The following NIM1K variants were observed in gnomAD, a reference collection of about 807,000 sequenced individuals.
NIM1K encodes serine/threonine-protein kinase NIM1.
In NIM1K, 35 loss-of-function variants were observed where a neutral mutation model predicts 37.1. The observed-to-expected ratio is 0.94, with a 90% CI of 0.72 to 1.25. The LOEUF is 1.25. NIM1K is among the 50% of genes most tolerant of loss of function. The pLI, the probability that NIM1K is intolerant of heterozygous loss-of-function variation, is 0.00. For synonymous variants in NIM1K, 234 were observed against 206.6 expected (o/e 1.13, Z -1.14); for missense variants, 564 against 548.0 (o/e 1.03, Z -0.29).
intron 2 of NIM1K, among the ~76,000 whole-genome samples, chr5:43,264,942 T>G (rs1224537938): frequency 2.0e-5 from 3 of 152,230 alleles, no homozygotes; most frequent in East Asian, 3.8e-4. Context: ...TGTTGAATAT[T>G]GGCCCCCACT....
chr5:43,200,527 C>T (rs972182568), intron 1 of NIM1K, among the ~76,000 whole-genome samples: 2 of 151,142 alleles, frequency 1.3e-5, no homozygotes, highest in Non-Finnish European at 3.0e-5. Flanking sequence ...GTCTTGACCT[C>T]CCGACCTCGT....
intron 2 of NIM1K, among the ~76,000 whole-genome samples, chr5:43,276,484 C>T (rs1346761288): frequency 2.0e-5 from 3 of 152,258 alleles, no homozygotes; most frequent in Admixed American, 6.5e-5. Context: ...GACCCAAACA[C>T]GTCCCACCAG....
At chr5:43,227,100 C>G (rs1474884615) in intron 1 of NIM1K, among the ~76,000 whole-genome samples, 1 of 152,156 alleles carries the variant, frequency 6.6e-6, no homozygotes, top group African/African-American at 2.4e-5. Context: ...GTGGCTCATG[C>G]CTGTAATCCC....
chr5:43,219,298 C>T (rs141785245), intron 1 of NIM1K, among the ~76,000 whole-genome samples: 2 of 152,246 alleles, frequency 1.3e-5, no homozygotes, highest in Non-Finnish European at 2.9e-5. Context: ...GTAGTGCATA[C>T]CTGTAATTCC....
At chr5:43,256,014 G>A (rs1182273115) in intron 2 of NIM1K, among the ~76,000 whole-genome samples, 1 of 151,962 alleles carries the variant, frequency 6.6e-6, no homozygotes, top group East Asian at 1.9e-4. Flanking sequence ...ACAGATTGTG[G>A]AGGACCAAGT....
chr5:43,274,048 A>T (rs1356247728), intron 2 of NIM1K, among the ~76,000 whole-genome samples: 1 of 152,144 alleles, frequency 6.6e-6, no homozygotes, highest in Non-Finnish European at 1.5e-5. Flanking sequence ...GGGCTTCTAA[A>T]GTGTTTAGTA....
chr5:43,229,234 A>T (rs1752502525), intron 1 of NIM1K, among the ~76,000 whole-genome samples: 1 of 151,866 alleles, frequency 6.6e-6, no homozygotes, highest in Non-Finnish European at 1.5e-5. Flanking sequence ...AAAATACAAA[A>T]ATTAGCCGGG....
intron 1 of NIM1K, among the ~76,000 whole-genome samples, chr5:43,231,542 T>G (rs1561080776): frequency 6.6e-6 from 1 of 152,058 alleles, no homozygotes; most frequent in Non-Finnish European, 1.5e-5. Flanking sequence ...GAAGATTTTT[T>G]AAAAGTATTA....
chr5:43,255,754 A>AAAAAAGAAATAAAG (rs112325348), intron 2 of NIM1K, among the ~76,000 whole-genome samples: 1 of 131,808 alleles, frequency 7.6e-6, no homozygotes, highest in South Asian at 2.5e-4. Context: ...TCTCAAAAAA[A>AAAAAAGAAATAAAG]AAAGAAAGAA....
intron 1 of NIM1K, among the ~76,000 whole-genome samples, chr5:43,213,183 T>TTCTTTC (rs1752231507): frequency 1.3e-5 from 1 of 75,830 alleles, no homozygotes; most frequent in African/African-American, 4.8e-5. Flanking sequence ...CTTTCTTTCT[T>TTCTTTC]TCTTTCTTTC....
chr5:43,203,024 G>A (rs1284939093), intron 1 of NIM1K, among the ~76,000 whole-genome samples: 2 of 152,044 alleles, frequency 1.3e-5, no homozygotes, highest in South Asian at 4.1e-4. Flanking sequence ...GCCTTTCGAT[G>A]ACTGTTTTGC....
At chr5:43,243,325 C>T (rs1370797944) in intron 1 of NIM1K, among the ~76,000 whole-genome samples, 1 of 152,118 alleles carries the variant, frequency 6.6e-6, no homozygotes, top group Non-Finnish European at 1.5e-5. Context: ...CTGTCATAAG[C>T]TGCATGGTGT....
intron 1 of NIM1K, among the ~76,000 whole-genome samples, chr5:43,195,554 G>A (rs902474520): frequency 2.0e-5 from 3 of 151,898 alleles, no homozygotes; most frequent in Non-Finnish European, 1.5e-5. Flanking sequence ...CAGCTACTGG[G>A]GAGACTGAGG....
chr5:43,196,942 C>CTTTTTTTTTTTTTT (rs774125135), intron 1 of NIM1K, among the ~76,000 whole-genome samples: 1 of 82,776 alleles, frequency 1.2e-5, no homozygotes, highest in Non-Finnish European at 2.2e-5. Flanking sequence ...CCATGCCCAG[C>CTTTTTTTTTTTTTT]TTTTTTTTTT....
At chr5:43,264,598 T>C (rs1415652678) in intron 2 of NIM1K, among the ~76,000 whole-genome samples, 3 of 152,190 alleles carry the variant, frequency 2.0e-5, no homozygotes, top group Non-Finnish European at 4.4e-5. Context: ...GTCTTTTAAT[T>C]GGAGGATTTA....
rs950969232 is a variant in NIM1K, at chr5:43,206,612, C to T, written c.-695+14201C>T. ...GAAACGAGCAAGTGCTAGTCCTGGC[C>T]TCCCTGGTGCAGCGCACTCCCTGCC... On this transcript the variant is annotated intron_variant, in intron 1 of 3. Transcript: ENST00000326035. 28 of 629,688 alleles carry T rather than the reference C, an allele frequency of 4.4e-5. No homozygotes were observed. The Admixed American group carries it at 6.8e-4, about 15-fold the overall frequency. The allele number at this position is 629,688 out of a possible 1,614,324, so 39.0% of individuals were successfully genotyped here.
intron 1 of NIM1K, among the ~76,000 whole-genome samples, chr5:43,211,031 G>A (rs1183542596): frequency 2.0e-5 from 3 of 152,158 alleles, no homozygotes; most frequent in East Asian, 3.9e-4. Context: ...AATTAGCCAG[G>A]CATGATGGCA....
chr5:43,278,296 C>T (rs535799731), intron 3 of NIM1K, among the ~76,000 whole-genome samples: 19 of 152,276 alleles, frequency 1.2e-4, no homozygotes, highest in African/African-American at 3.8e-4. Context: ...CCACCTGCCT[C>T]GGTCTCCCAA....
intron 1 of NIM1K, among the ~76,000 whole-genome samples, chr5:43,218,643 G>A (rs1380203803): frequency 2.0e-5 from 3 of 152,022 alleles, no homozygotes; most frequent in Non-Finnish European, 2.9e-5. Flanking sequence ...AGCAATTCAT[G>A]AGGGATCCTT....
Sources: allele counts gnomAD v4.1 joint callset (sites outside exome capture counted in the v4.1 genomes callset), GRCh38; gene constraint gnomAD v4.1.1; transcripts MANE v1.5; gene names NCBI Gene and HGNC (gene_info 2026-07-23, HGNC 2026-07-21).